The following SRGAP2 variants were observed in gnomAD, a reference collection of about 807,000 sequenced individuals.
SRGAP2 encodes SLIT-ROBO Rho GTPase activating protein 2.
Under a neutral mutation model 57.2 loss-of-function variants are expected in SRGAP2, and 15 were observed. The observed-to-expected ratio is 0.26, with a 90% confidence interval of 0.18 to 0.40. The LOEUF (loss-of-function observed/expected upper bound fraction) is 0.40. Among genes scored for constraint, SRGAP2 ranks in the 10% least tolerant of loss-of-function variants. The pLI is 1.00. For missense variants in SRGAP2, 520 were observed against 669.6 expected (o/e 0.78, Z 2.47); for synonymous variants, 249 against 248.0 (o/e 1.00, Z -0.04).
At chr1:206,283,385 G>A (rs1360743973) in intron 2 of SRGAP2, among the ~76,000 whole-genome samples, 1 of 151,902 alleles carries the variant, frequency 6.6e-6, no homozygotes, top group African/African-American at 2.4e-5. Flanking sequence ...AAAAATTTAT[G>A]AACTTGGGCA....
rs577839756 is a variant in SRGAP2, at chr1:206,347,255, A to T, written c.423+4247A>T. Among the ~76,000 whole-genome samples, 74 of 143,050 alleles carry T rather than the reference A, an allele frequency of 5.2e-4. 1 individual carries two copies. In the East Asian group the frequency reaches 0.012, roughly 23 times the overall value. 93.8% of individuals were successfully genotyped at this position (143,050 alleles called of 152,430 possible). ...TAACAGAGCCAGACCCTGTCTGTTT[A>T]AAAAAAAAAAAACAACAAAAAAACA... On this transcript the variant is annotated intron_variant, in intron 4 of 22. Transcript: ENST00000573034.
chr1:206,426,643 A>G (rs749930076), intron 13 of SRGAP2, among the ~76,000 whole-genome samples: 1 of 151,984 alleles, frequency 6.6e-6, no homozygotes, highest in East Asian at 1.9e-4. Flanking sequence ...AGCATTTGTT[A>G]TTTTTTGGCT....
At chr1:206,428,579 G>A (rs1661015214) in intron 13 of SRGAP2, among the ~76,000 whole-genome samples, 1 of 152,120 alleles carries the variant, frequency 6.6e-6, no homozygotes, top group African/African-American at 2.4e-5. Flanking sequence ...AGATTGCCTG[G>A]GTTTGAATCC....
intron 2 of SRGAP2, among the ~76,000 whole-genome samples, chr1:206,291,504 G>A (rs1296395027): frequency 2.6e-5 from 4 of 152,136 alleles, no homozygotes; most frequent in Admixed American, 2.6e-4. Context: ...TGTTCAGGGA[G>A]ACACAGGTAC....
In SRGAP2 at chr1:206,461,716, G is replaced by A. The variant is rs567780448; in HGVS notation, c.*296G>A. ...TCAGGTCACTGTGAAATCTGGTAAGGCAGTCCTGAGGACATGGGCTCAAGT... is the reference window on the plus strand; with the variant it reads ...TCAGGTCACTGTGAAATCTGGTAAGACAGTCCTGAGGACATGGGCTCAAGT... On this transcript the variant is annotated 3_prime_UTR_variant, in exon 23 of 23. Transcript: ENST00000573034. The A allele has an allele frequency of 1.5e-5, 5 of 337,268 alleles. No individual in the cohort carries two copies. Among genetic ancestry groups the A allele is most frequent in the Non-Finnish European group, 2.7e-5 (5 of 183,510 alleles). 20.9% of individuals were successfully genotyped at this position (337,268 alleles called of 1,614,324 possible). A position where few individuals can be genotyped will look rare whatever the true frequency, so the allele number is the denominator to read the frequency against.
chr1:206,295,278 C>CAAT (rs1175111559), intron 2 of SRGAP2, among the ~76,000 whole-genome samples: 2 of 152,072 alleles, frequency 1.3e-5, no homozygotes, highest in African/African-American at 4.8e-5. Flanking sequence ...GGCTGGAGTG[C>CAAT]AATGGTGTGA....
chr1:206,399,857 G>A (rs1204383698), intron 7 of SRGAP2, among the ~76,000 whole-genome samples: 1 of 152,092 alleles, frequency 6.6e-6, no homozygotes, highest in Non-Finnish European at 1.5e-5. Flanking sequence ...CTTTTGTCTA[G>A]CTTCCATTTG....
intron 2 of SRGAP2, among the ~76,000 whole-genome samples, chr1:206,210,891 GAA>G (rs1553302317): frequency 6.6e-6 from 1 of 150,998 alleles, no homozygotes; most frequent in African/African-American, 2.4e-5. Context: ...TTGCTCAGGG[GAA>G]AAAACAACAA....
chr1:206,421,833 T>G (rs1303120510), intron 13 of SRGAP2, among the ~76,000 whole-genome samples: 12 of 152,234 alleles, frequency 7.9e-5, no homozygotes, highest in African/African-American at 2.9e-4. Flanking sequence ...AATCTGCCAC[T>G]GGGCAGCCAG....
chr1:206,295,766 A>C (rs1381218022), intron 2 of SRGAP2, among the ~76,000 whole-genome samples: 2 of 152,166 alleles, frequency 1.3e-5, no homozygotes, highest in African/African-American at 4.8e-5. Flanking sequence ...TCACAATTAG[A>C]TTGTAATTTC....
chr1:206,404,411 A>C (rs1553356806), intron 8 of SRGAP2, among the ~76,000 whole-genome samples: 2 of 152,246 alleles, frequency 1.3e-5, no homozygotes, highest in Non-Finnish European at 2.9e-5. Context: ...TCTGCAGACA[A>C]GAGGCTAAAG....
chr1:206,385,902 A>G (rs1558372726), intron 5 of SRGAP2, among the ~76,000 whole-genome samples: 1 of 152,150 alleles, frequency 6.6e-6, no homozygotes. Context: ...CCATAAGGTG[A>G]GCTGGAATAC....
At position 206,439,188 on chromosome 1, in the gene SRGAP2, A is replaced by G. The variant is rs148572575; in HGVS notation, c.1769-788A>G. Among the ~76,000 whole-genome samples, 284 of 152,226 alleles carry G rather than the reference A, an allele frequency of 1.9e-3. 1 individual carries two copies. Among genetic ancestry groups the G allele is most frequent in the African/African-American group, 6.5e-3 (270 of 41,540 alleles). On this transcript the variant is annotated intron_variant, in intron 16 of 22. Coordinates refer to ENST00000573034, the MANE Select transcript of SRGAP2 (RefSeq NM_015326.5). ...AGTACTTCCCATCTCTTTTTCATAT[A>G]AAGGCACTCATAGAAAATGGCAGTG...
At chr1:206,373,099 CTTTTT>C (rs1192726235) in intron 4 of SRGAP2, among the ~76,000 whole-genome samples, 1 of 66,468 alleles carries the variant, frequency 1.5e-5, no homozygotes, top group African/African-American at 5.7e-5. Flanking sequence ...CTTTTTTTTT[CTTTTT>C]TTTTTTTTTT....
rs1671981413 is a variant in SRGAP2, at chr1:206,303,276, T to C, written c.68-5T>C. On this transcript the variant is annotated splice_polypyrimidine_tract_variant and splice_region_variant and intron_variant, in intron 2 of 22. Coordinates refer to ENST00000573034, the MANE Select transcript of SRGAP2 (RefSeq NM_015326.5). ...TCTGACTGTCTTCTCTTGTTTTTGT[T>C]GTAGAGATCCGTGCTCAGCTCACAG... The C allele has an allele frequency of 1.4e-6, 2 of 1,440,436 alleles. No homozygotes were observed. Among genetic ancestry groups the C allele is most frequent in the African/African-American group, 1.5e-5 (1 of 66,950 alleles). The allele number at this position is 1,440,436 out of a possible 1,614,324, so 89.2% of individuals were successfully genotyped here.
intron 2 of SRGAP2, among the ~76,000 whole-genome samples, chr1:206,241,592 T>C (rs1242092715): frequency 2.0e-5 from 3 of 151,672 alleles, no homozygotes; most frequent in Non-Finnish European, 4.4e-5. Flanking sequence ...ATTGATGAGA[T>C]CAATTCATTA....
chr1:206,372,953 TTCTTTTCTTTCC>T (rs1654727814), intron 4 of SRGAP2, among the ~76,000 whole-genome samples: 2 of 7,766 alleles, frequency 2.6e-4, no homozygotes, highest in Admixed American at 1.7e-3. Flanking sequence ...CTTTCTTTCT[TTCTTTTCTTTCC>T]TTTCTTTCTT....
intron 16 of SRGAP2, among the ~76,000 whole-genome samples, chr1:206,439,590 GA>G (rs1553371196): frequency 6.6e-6 from 1 of 152,048 alleles, no homozygotes; most frequent in Admixed American, 6.6e-5. Flanking sequence ...ATCCTGTGGG[GA>G]ACATTTCTAA....
chr1:206,418,929 T>C (rs1660035348), intron 11 of SRGAP2, among the ~76,000 whole-genome samples: 1 of 150,640 alleles, frequency 6.6e-6, no homozygotes, highest in African/African-American at 2.5e-5. Context: ...TGTGTGTGTG[T>C]GTGTGTGTAT....
Sources: allele counts gnomAD v4.1 joint callset (sites outside exome capture counted in the v4.1 genomes callset), GRCh38; gene constraint gnomAD v4.1.1; transcripts MANE v1.5; gene names NCBI Gene and HGNC (gene_info 2026-07-23, HGNC 2026-07-21).